Variants in RAB29 observed in about 807,000 individuals in gnomAD.
RAB29 encodes the protein RAB29, member RAS oncogene family, also known as ras-related protein Rab-29.
Under a neutral mutation model 25.5 loss-of-function variants are expected in RAB29, and 13 were observed. That is an observed-to-expected ratio of 0.51 (90% confidence interval 0.33 to 0.81). The LOEUF is 0.81. RAB29 is among the 30% of genes least tolerant of loss of function. The pLI is 0.02. For missense variants in RAB29, 201 were observed against 254.9 expected (o/e 0.79, Z 1.44); for synonymous variants, 88 against 95.0 (o/e 0.93, Z 0.43).
Position 205,769,746 on chromosome 1 carries a change from T to C in RAB29, c.*596A>G, listed in dbSNP as rs1221168229. 2 of 154,456 alleles carry C rather than the reference T, an allele frequency of 1.3e-5. No homozygotes were observed. Among genetic ancestry groups the C allele is most frequent in the African/African-American group, 4.8e-5 (2 of 41,464 alleles). 9.6% of individuals were successfully genotyped at this position (154,456 alleles called of 1,614,324 possible). A position where few individuals can be genotyped will look rare whatever the true frequency, so the allele number is the denominator to read the frequency against. On this transcript the variant is annotated 3_prime_UTR_variant, in exon 6 of 6. Coordinates refer to ENST00000367139, the MANE Select transcript of RAB29 (RefSeq NM_003929.3). ...GCCCGGCCAAAAAACTTGACTATTC[T>C]TGATGCCAAGACAAGAGAAACTTAA...
At chr1:205,773,810 T>C (rs1007165156) in intron 2 of RAB29, among the ~76,000 whole-genome samples, 1 of 152,186 alleles carries the variant, frequency 6.6e-6, no homozygotes, top group African/African-American at 2.4e-5. Flanking sequence ...TGGGCCCTAC[T>C]GGGGGTTCTT....
intron 3 of RAB29, 80 bp downstream of exon 3, chr1:205,772,416 T>C (rs1655075426): frequency 1.4e-6 from 2 of 1,417,472 alleles, no homozygotes; most frequent in South Asian, 1.1e-5. Flanking sequence ...TTTCTGGCTT[T>C]GCTGCCCCAT....
rs564714675 is a variant in RAB29, at chr1:205,768,454, A to C, written c.*1888T>G. 2.6e-5 allele frequency: 4 copies of C among 152,280 alleles called. No homozygotes were observed. In the East Asian group the frequency reaches 7.7e-4, roughly 29 times the overall value. The allele number at this position is 152,280 out of a possible 1,614,324, so 9.4% of individuals were successfully genotyped here. ...CACAATCACCAGGGAAGCTCTGAAA[A>C]CAACAACACATTCCTAGGCTTCATC... On this transcript the variant is annotated 3_prime_UTR_variant, in exon 6 of 6. Coordinates refer to ENST00000367139, the MANE Select transcript of RAB29 (RefSeq NM_003929.3).
Position 205,770,914 on chromosome 1 carries a change from T to C in RAB29, c.379-60A>G, listed in dbSNP as rs958022568. ...AACTTCCTGCAACTAAGAAAGAATATGGCTCAGATACTGTGGATTTTAAAC... is the reference window on the plus strand; with the variant it reads ...AACTTCCTGCAACTAAGAAAGAATACGGCTCAGATACTGTGGATTTTAAAC... On this transcript the variant is annotated intron_variant, in intron 4 of 5. Transcript: ENST00000367139. 1.4e-5 allele frequency: 22 copies of C among 1,586,154 alleles called. No individual in the cohort carries two copies. In the Admixed American group the frequency reaches 3.7e-4, roughly 27 times the overall value.
In RAB29 at chr1:205,770,255, T is replaced by C. The variant is rs1165898598; in HGVS notation, c.*87A>G. 4.7e-6 allele frequency: 5 copies of C among 1,060,530 alleles called. No homozygotes were observed. In the Admixed American group the frequency reaches 7.4e-5, roughly 16 times the overall value. The allele number at this position is 1,060,530 out of a possible 1,614,324, so 65.7% of individuals were successfully genotyped here. On this transcript the variant is annotated 3_prime_UTR_variant, in exon 6 of 6. Coordinates refer to ENST00000367139, the MANE Select transcript of RAB29 (RefSeq NM_003929.3). ...CAGTAGTCAGGAGACAATTCAAATG[T>C]ACTTAATAAAATTGTCAGGTGGGCA...
intron 2 of RAB29, 59 bp downstream of exon 2, chr1:205,774,774 G>A (rs904531970): frequency 7.2e-6 from 11 of 1,529,800 alleles, no homozygotes; most frequent in Admixed American, 3.9e-5. Context: ...TCCCCAGCTC[G>A]AGTCCGCGGT....
Position 205,775,262 on chromosome 1 carries a change from AC to A in RAB29, c.-131+10del, listed in dbSNP as rs1372926915. ...GAGAAACTGGACCAGGCGCCGCGGA[AC>A]CTCACCCACCGGGACTTCCCCCGAG... On this transcript the variant is annotated intron_variant, in intron 1 of 5. Transcript: ENST00000367139. 2 of 326,976 alleles carry A rather than the reference AC, an allele frequency of 6.1e-6. No individual in the cohort carries two copies. Among genetic ancestry groups the A allele is most frequent in the African/African-American group, 4.4e-5 (2 of 45,948 alleles). The allele number at this position is 326,976 out of a possible 1,614,324, so 20.3% of individuals were successfully genotyped here.
Position 205,774,960 on chromosome 1 carries a change from T to C in RAB29, c.-4A>G. On this transcript the variant is annotated 5_prime_UTR_variant, in exon 2 of 6. Transcript: ENST00000367139. ...ACAGGTGGTCGCGGCTGCCCATGGC[T>C]AGCGGGGTGTGCGTTTTAGGGAGGC... The C allele has an allele frequency of 6.2e-7, 1 of 1,613,556 alleles. No individual in the cohort carries two copies. Among genetic ancestry groups the C allele is most frequent in the Non-Finnish European group, 8.5e-7 (1 of 1,180,002 alleles).
Position 205,773,696 on chromosome 1 carries a change from G to C in RAB29, c.125-1129C>G, listed in dbSNP as rs1216874268. Among the ~76,000 whole-genome samples, 4 of 152,122 alleles carry C rather than the reference G, an allele frequency of 2.6e-5. No individual in the cohort carries two copies. In the East Asian group the frequency reaches 7.7e-4, roughly 29 times the overall value. ...CTTCTTTAATTTTTGTAGAGGTGGGGGTCTTGCCATGTTTCCCATGGCTGG... is the reference window on the plus strand; with the variant it reads ...CTTCTTTAATTTTTGTAGAGGTGGGCGTCTTGCCATGTTTCCCATGGCTGG... On this transcript the variant is annotated intron_variant, in intron 2 of 5. Coordinates refer to ENST00000367139, the MANE Select transcript of RAB29 (RefSeq NM_003929.3).
intron 2 of RAB29, among the ~76,000 whole-genome samples, chr1:205,773,583 C>T (rs962073106): frequency 3.6e-4 from 55 of 152,222 alleles, no homozygotes; most frequent in African/African-American, 1.3e-3. Flanking sequence ...GTGAGTGGTG[C>T]GAACGGGGCT....
chr1:205,775,037 G>A lies in RAB29; in HGVS notation c.-81C>T, dbSNP rs537567985. ...CGCTCGTTTTAACCCCTTTGGATCC[G>A]GACCCTCTTCAAACTGAAGTGAGGC... On this transcript the variant is annotated 5_prime_UTR_variant, in exon 2 of 6. Coordinates refer to ENST00000367139, the MANE Select transcript of RAB29 (RefSeq NM_003929.3). The A allele has an allele frequency of 3.0e-5, 47 of 1,553,936 alleles. No individual in the cohort carries two copies. The South Asian group carries it at 3.9e-4, about 13-fold the overall frequency.
chr1:205,772,608 G>A lies in RAB29; in HGVS notation c.125-41C>T, dbSNP rs375387309. On this transcript the variant is annotated intron_variant, in intron 2 of 5. Transcript: ENST00000367139. Reference sequence around the variant, plus strand: ...CATTATACTTTAATAAAATTTCACTGTAAAAAATTAATAGGGATAAACTCA... The same window carrying A: ...CATTATACTTTAATAAAATTTCACTATAAAAAATTAATAGGGATAAACTCA... The A allele has an allele frequency of 9.0e-6, 14 of 1,562,086 alleles. No individual in the cohort carries two copies. In the African/African-American group the frequency reaches 1.9e-4, roughly 21 times the overall value.
At chr1:205,774,071 C>T (rs1655168820) in intron 2 of RAB29, among the ~76,000 whole-genome samples, 1 of 152,146 alleles carries the variant, frequency 6.6e-6, no homozygotes, top group Non-Finnish European at 1.5e-5. Flanking sequence ...AGGCCACACC[C>T]GGGAAAGAAA....
chr1:205,773,942 C>A (rs988846560), intron 2 of RAB29, among the ~76,000 whole-genome samples: 1 of 152,174 alleles, frequency 6.6e-6, no homozygotes, highest in Non-Finnish European at 1.5e-5. Flanking sequence ...GAAACAAGTT[C>A]TTTTAACAGA....
Position 205,770,056 on chromosome 1 carries a change from CCTT to C in RAB29, c.*283_*285del, listed in dbSNP as rs1654909097. On this transcript the variant is annotated 3_prime_UTR_variant, in exon 6 of 6. Transcript: ENST00000367139. Reference sequence around the variant, plus strand: ...TAAAACGCAGGTGCTGATTTCTAATCCTTCTCATAAAATTCCGGATCACAAATT... The same window carrying C: ...TAAAACGCAGGTGCTGATTTCTAATCCTCATAAAATTCCGGATCACAAATT... 2.2e-6 allele frequency: 1 copy of C among 464,698 alleles called. No individual in the cohort carries two copies. Among genetic ancestry groups the C allele is most frequent in the Admixed American group, 3.7e-5 (1 of 27,228 alleles). The allele number at this position is 464,698 out of a possible 1,614,324, so 28.8% of individuals were successfully genotyped here. A position where few individuals can be genotyped will look rare whatever the true frequency, so the allele number is the denominator to read the frequency against.
chr1:205,771,012 C>T (rs766793945), intron 4 of RAB29, 158 bp from the exon 5 acceptor site: 4 of 1,110,834 alleles, frequency 3.6e-6, no homozygotes, highest in Admixed American at 2.3e-5. Context: ...GAAAGTCTCA[C>T]CCTTGGCTGG....
At chr1:205,771,378 A>C in intron 4 of RAB29, 94 bp downstream of exon 4, 1 of 1,457,270 alleles carries the variant, frequency 6.9e-7, no homozygotes, top group Non-Finnish European at 9.6e-7. Flanking sequence ...CCAACTTAAG[A>C]AGGGGAAATG....
rs1169961874 is a variant in RAB29 at position 205,769,030 on chromosome 1, AAATT to A, written c.*1308_*1311del. 1 of 152,192 alleles carries A rather than the reference AAATT, an allele frequency of 6.6e-6. No homozygotes were observed. The highest frequency in any genetic ancestry group is 2.4e-5 in the African/African-American group (1 of 41,454). 9.4% of individuals were successfully genotyped at this position (152,192 alleles called of 1,614,324 possible). A position where few individuals can be genotyped will look rare whatever the true frequency, so the allele number is the denominator to read the frequency against. On this transcript the variant is annotated 3_prime_UTR_variant, in exon 6 of 6. Transcript: ENST00000367139. ...ATCACCATCCTAGAGATAATTTAAC[AAATT>A]AAATGGTCTAGTAGTGATTTGATAC...
chr1:205,773,195 A>G (rs919818376), intron 2 of RAB29, among the ~76,000 whole-genome samples: 1 of 152,248 alleles, frequency 6.6e-6, no homozygotes, highest in Admixed American at 6.5e-5. Flanking sequence ...CTTAAGGCTG[A>G]GTAAGTATTC....
Sources: gnomAD v4.1 joint callset for allele counts (sites outside exome capture counted in the v4.1 genomes callset) on GRCh38, gnomAD v4.1.1 for gene constraint, MANE v1.5 for transcripts, NCBI Gene and HGNC (gene_info 2026-07-23, HGNC 2026-07-21) for gene names.